The following FHIT variants were observed in gnomAD, a reference collection of about 807,000 sequenced individuals.
The protein encoded by FHIT is fragile histidine triad diadenosine triphosphatase, also known as bis(5'-adenosyl)-triphosphatase.
In FHIT, 19 loss-of-function variants were observed where a neutral mutation model predicts 17.9. The ratio of observed to expected loss-of-function variants is 1.06; its 90% CI spans 0.74 to 1.56. The LOEUF (loss-of-function observed/expected upper bound fraction) is 1.56. FHIT is among the 40% of genes most tolerant of loss of function. FHIT has a pLI of 0.00. For missense variants in FHIT, 248 were observed against 189.2 expected (o/e 1.31, Z -1.82); for synonymous variants, 81 against 69.7 (o/e 1.16, Z -0.81).
intron 1 of FHIT, among the ~76,000 whole-genome samples, chr3:61,202,100 A>C (rs568252155): frequency 6.6e-6 from 1 of 151,714 alleles, no homozygotes; most frequent in Non-Finnish European, 1.5e-5. Context: ...ACGCACATAC[A>C]CACACATATA....
intron 5 of FHIT, among the ~76,000 whole-genome samples, chr3:60,432,775 GC>G (rs1281838602): frequency 6.6e-6 from 1 of 151,966 alleles, no homozygotes; most frequent in Non-Finnish European, 1.5e-5. Flanking sequence ...CTACCAATGT[GC>G]TTTTCTTGGA....
intron 3 of FHIT, among the ~76,000 whole-genome samples, chr3:60,981,179 C>G (rs1710474357): frequency 6.6e-6 from 1 of 152,228 alleles, no homozygotes; most frequent in African/African-American, 2.4e-5. Flanking sequence ...AGATAATACC[C>G]TTCTGCCCAA....
intron 2 of FHIT, among the ~76,000 whole-genome samples, chr3:61,096,302 T>C (rs1348466917): frequency 2.0e-5 from 3 of 152,194 alleles, no homozygotes; most frequent in Non-Finnish European, 4.4e-5. Context: ...AGGCACAAAG[T>C]TCCTGCCACA....
chr3:59,764,499 T>A lies in FHIT; in HGVS notation c.349-12178A>T, dbSNP rs141696795. ...TGCTACTCACCCGTTGGAAGTTACA[T>A]GCCCTGTGCAGCCTACAAATCCATT... On this transcript the variant is annotated intron_variant, in intron 8 of 9. Coordinates refer to ENST00000492590, the MANE Select transcript of FHIT (RefSeq NM_002012.4). Among the ~76,000 whole-genome samples, 160 of 152,320 alleles carry A rather than the reference T, an allele frequency of 1.1e-3. 1 individual carries two copies. Among genetic ancestry groups the A allele is most frequent in the African/African-American group, 3.7e-3 (152 of 41,578 alleles).
chr3:60,492,449 G>C (rs1348954179), intron 5 of FHIT, among the ~76,000 whole-genome samples: 1 of 151,614 alleles, frequency 6.6e-6, no homozygotes, highest in Non-Finnish European at 1.5e-5. Context: ...TAAGGTGCAA[G>C]AATTGGCTTC....
chr3:60,342,339 G>C (rs1031990982), intron 5 of FHIT, among the ~76,000 whole-genome samples: 4 of 152,232 alleles, frequency 2.6e-5, no homozygotes, highest in African/African-American at 9.6e-5. Flanking sequence ...TAGACTGCTA[G>C]GTTCCATAGT....
At chr3:60,124,011 G>GAT (rs1559653760) in intron 5 of FHIT, among the ~76,000 whole-genome samples, 1 of 34,910 alleles carries the variant, frequency 2.9e-5, no homozygotes, top group Non-Finnish European at 5.3e-5. Context: ...TATATATATA[G>GAT]AGAGAGAGAG....
At chr3:60,714,900 C>T (rs1238259724) in intron 4 of FHIT, among the ~76,000 whole-genome samples, 1 of 152,172 alleles carries the variant, frequency 6.6e-6, no homozygotes, top group Admixed American at 6.5e-5. Context: ...CATCAAGCTA[C>T]CAATGTCTTT....
intron 2 of FHIT, among the ~76,000 whole-genome samples, chr3:61,117,431 A>T (rs891810927): frequency 2.0e-5 from 3 of 152,196 alleles, no homozygotes; most frequent in Non-Finnish European, 4.4e-5. Context: ...ACGGTGCCAG[A>T]AATTGATTTG....
intron 5 of FHIT, among the ~76,000 whole-genome samples, chr3:60,244,345 G>C (rs17397822): frequency 0.1 from 15,702 of 151,876 alleles, 1,075 homozygotes; most frequent in South Asian, 0.19. Flanking sequence ...AAGGATAAAA[G>C]GTCACACAAT....
chr3:60,444,184 TCAGGAAACAA>T (rs961792492), intron 5 of FHIT, among the ~76,000 whole-genome samples: 1 of 152,058 alleles, frequency 6.6e-6, no homozygotes, highest in African/African-American at 2.4e-5. Context: ...CATTAAAAAG[TCAGGAAACAA>T]CAGGTGCTGG....
intron 2 of FHIT, among the ~76,000 whole-genome samples, chr3:61,143,054 T>G (rs1004935372): frequency 2.6e-5 from 4 of 152,138 alleles, no homozygotes; most frequent in Non-Finnish European, 4.4e-5. Flanking sequence ...TACCCTTCCC[T>G]TACCACAATA....
At chr3:59,859,667 C>G (rs915828417) in intron 8 of FHIT, among the ~76,000 whole-genome samples, 41 of 152,276 alleles carry the variant, frequency 2.7e-4, no homozygotes, top group African/African-American at 9.9e-4. Flanking sequence ...TTGCAGTGAG[C>G]TGAAGATCGC....
chr3:60,756,323 C>CAA, intron 4 of FHIT, among the ~76,000 whole-genome samples: 1 of 151,990 alleles, frequency 6.6e-6, no homozygotes, highest in South Asian at 2.1e-4. Context: ...TTTTCCAACT[C>CAA]ACATTGTCCC....
chr3:60,626,030 AAATCAGTTGATAGT>A (rs2039275817), intron 4 of FHIT, among the ~76,000 whole-genome samples: 1 of 152,232 alleles, frequency 6.6e-6, no homozygotes, highest in African/African-American at 2.4e-5. Flanking sequence ...GCACTTTTGA[AAATCAGTTGATAGT>A]AAATGTGAGT....
chr3:60,473,316 T>G (rs898967017), intron 5 of FHIT, among the ~76,000 whole-genome samples: 1 of 152,116 alleles, frequency 6.6e-6, no homozygotes, highest in African/African-American at 2.4e-5. Context: ...GTTCCAAGAT[T>G]AACTAAAGGG....
chr3:60,512,904 T>G (rs754280348), intron 5 of FHIT, among the ~76,000 whole-genome samples: 3 of 152,202 alleles, frequency 2.0e-5, no homozygotes, highest in Non-Finnish European at 2.9e-5. Flanking sequence ...TTTATTAATT[T>G]ATGAATAACC....
chr3:60,297,044 C>G (rs1034869160), intron 5 of FHIT, among the ~76,000 whole-genome samples: 2 of 151,626 alleles, frequency 1.3e-5, no homozygotes, highest in African/African-American at 4.8e-5. Flanking sequence ...ATAAATATTA[C>G]AAGTATGTAA....
At chr3:61,250,178 G>A (rs1309096224) in intron 1 of FHIT, among the ~76,000 whole-genome samples, 2 of 152,192 alleles carry the variant, frequency 1.3e-5, no homozygotes, top group Non-Finnish European at 2.9e-5. Flanking sequence ...GGCACGCCAC[G>A]AGGTGGAGTA....
Sources: gnomAD v4.1 joint callset for allele counts (sites outside exome capture counted in the v4.1 genomes callset) on GRCh38, gnomAD v4.1.1 for gene constraint, MANE v1.5 for transcripts, NCBI Gene and HGNC (gene_info 2026-07-23, HGNC 2026-07-21) for gene names.